Variants in ENTREP2 observed in about 807,000 individuals in gnomAD.
ENTREP2 encodes the protein protein ENTREP2.
At chr15:29,648,157 A>G in the ENTREP2 span, among the ~76,000 whole-genome samples, 1 of 152,192 alleles carries the variant, frequency 6.6e-6, no homozygotes, top group South Asian at 2.1e-4. Flanking sequence ...AGGAGGTGCC[A>G]TGGGGTACCA....
the ENTREP2 span, among the ~76,000 whole-genome samples, chr15:29,152,505 T>A: frequency 6.6e-6 from 1 of 152,268 alleles, no homozygotes. Context: ...TCAAGAATGT[T>A]GCATAAGTGG....
At chr15:29,285,151 C>T in the ENTREP2 span, among the ~76,000 whole-genome samples, 5 of 152,158 alleles carry the variant, frequency 3.3e-5, no homozygotes, top group African/African-American at 1.2e-4. Flanking sequence ...TGCTCCCTGA[C>T]GCTGGAGTGG....
chr15:29,232,443 T>C, the ENTREP2 span, among the ~76,000 whole-genome samples: 1 of 151,960 alleles, frequency 6.6e-6, no homozygotes, highest in Non-Finnish European at 1.5e-5. Flanking sequence ...ATTTGTAAAA[T>C]ATATAAAGGC....
the ENTREP2 span, among the ~76,000 whole-genome samples, chr15:29,577,275 A>G: frequency 6.6e-6 from 1 of 151,804 alleles, no homozygotes; most frequent in Non-Finnish European, 1.5e-5. Context: ...CTACTTCTGG[A>G]TAAATACCCA....
chr15:29,518,839 C>G, the ENTREP2 span, among the ~76,000 whole-genome samples: 1 of 152,200 alleles, frequency 6.6e-6, no homozygotes, highest in Admixed American at 6.5e-5. Context: ...GACAAAGCCT[C>G]TTATGGCAAG....
At chr15:29,523,556 G>A in the ENTREP2 span, among the ~76,000 whole-genome samples, 2 of 129,632 alleles carry the variant, frequency 1.5e-5, no homozygotes, top group African/African-American at 5.9e-5. Context: ...AAAAATCCCA[G>A]CTAGATTTTT....
At chr15:29,495,187 A>G in the ENTREP2 span, among the ~76,000 whole-genome samples, 1 of 152,174 alleles carries the variant, frequency 6.6e-6, no homozygotes, top group South Asian at 2.1e-4. Flanking sequence ...TTTTCTCCAC[A>G]ACCTCACCAA....
chr15:29,614,569 T>C, the ENTREP2 span, among the ~76,000 whole-genome samples: 1 of 152,198 alleles, frequency 6.6e-6, no homozygotes, highest in Non-Finnish European at 1.5e-5. Flanking sequence ...TGGGTAACCG[T>C]GTATTTCCTT....
chr15:29,168,962 C>T, the ENTREP2 span, among the ~76,000 whole-genome samples: 2 of 152,202 alleles, frequency 1.3e-5, no homozygotes, highest in African/African-American at 4.8e-5. Context: ...CCTACATGAT[C>T]ATCTGTGTAA....
At chr15:29,598,851 C>T in the ENTREP2 span, among the ~76,000 whole-genome samples, 28 of 152,268 alleles carry the variant, frequency 1.8e-4, no homozygotes, top group Non-Finnish European at 2.9e-4. Context: ...CGCCCGCCAC[C>T]GCGCCCAGCT....
chr15:29,159,382 G>C, the ENTREP2 span, among the ~76,000 whole-genome samples: 1 of 152,196 alleles, frequency 6.6e-6, no homozygotes, highest in African/African-American at 2.4e-5. Flanking sequence ...AGAGTGAGCA[G>C]CAGCAAGATT....
the ENTREP2 span, chr15:29,137,012 G>A: frequency 7.1e-7 from 1 of 1,412,600 alleles, no homozygotes; most frequent in Non-Finnish European, 9.2e-7. Context: ...TTTCGAGATG[G>A]GGGCAGCCGC....
the ENTREP2 span, among the ~76,000 whole-genome samples, chr15:29,569,301 A>G: frequency 4.7e-3 from 709 of 152,286 alleles, 5 homozygotes; most frequent in African/African-American, 0.017. Flanking sequence ...CCACACCTGT[A>G]TCGATCGAGG....
the ENTREP2 span, chr15:29,269,238 G>A: frequency 2.2e-5 from 35 of 1,614,028 alleles, no homozygotes; most frequent in Non-Finnish European, 2.9e-5. Context: ...GCTCCAGGGT[G>A]TTGATGAGGA....
the ENTREP2 span, chr15:29,136,276 C>A: frequency 7.4e-6 from 10 of 1,354,008 alleles, no homozygotes; most frequent in South Asian, 1.5e-4. Context: ...TCGGACCTGG[C>A]GCGGTGTGAG....
the ENTREP2 span, among the ~76,000 whole-genome samples, chr15:29,441,794 A>T: frequency 6.6e-6 from 1 of 152,068 alleles, no homozygotes; most frequent in African/African-American, 2.4e-5. Flanking sequence ...GCATTGTCAT[A>T]TGGTGGAGTC....
At chr15:29,662,940 C>T in the ENTREP2 span, among the ~76,000 whole-genome samples, 9 of 151,766 alleles carry the variant, frequency 5.9e-5, no homozygotes, top group South Asian at 1.7e-3. Context: ...CTCAAACTCC[C>T]AACCTCAGGT....
At chr15:29,370,386 T>A in the ENTREP2 span, among the ~76,000 whole-genome samples, 1 of 152,150 alleles carries the variant, frequency 6.6e-6, no homozygotes, top group Non-Finnish European at 1.5e-5. Context: ...TAAGGACATT[T>A]TATAATGATA....
the ENTREP2 span, among the ~76,000 whole-genome samples, chr15:29,421,660 A>G: frequency 3.3e-5 from 5 of 152,220 alleles, no homozygotes; most frequent in Non-Finnish European, 7.3e-5. Context: ...GAAACTTACA[A>G]TGCTCAAACT....
Sources: gnomAD v4.1 joint callset for allele counts (sites outside exome capture counted in the v4.1 genomes callset) on GRCh38, gnomAD v4.1.1 for gene constraint, MANE v1.5 for transcripts, NCBI Gene and HGNC (gene_info 2026-07-23, HGNC 2026-07-21) for gene names.